OPA1: variants seen among roughly 807,000 people sequenced by gnomAD.
OPA1 encodes the protein dynamin-like GTPase OPA1, mitochondrial.
A neutral mutation model predicts 152.9 loss-of-function variants in OPA1; 59 were observed. The observed-to-expected ratio is 0.39, with a 90% CI of 0.31 to 0.48. OPA1 has a LOEUF of 0.48. Among genes scored for constraint, OPA1 ranks in the 20% least tolerant of loss-of-function variants. OPA1 has a pLI of 0.96. For missense variants in OPA1, 1,008 were observed against 1,216.8 expected, an observed-to-expected ratio of 0.83 and a Z score of 2.55; for synonymous variants, 400 against 389.9, an observed-to-expected ratio of 1.03 and a Z score of -0.31.
chr3:193,642,508 T>C (rs1248528070), intron 11 of OPA1, among the ~76,000 whole-genome samples: 1 of 152,188 alleles, frequency 6.6e-6, no homozygotes, highest in Non-Finnish European at 1.5e-5. Context: ...GCATTTTAGG[T>C]CATAAGCGAT....
At chr3:193,609,595 A>G (rs891227373) in intron 1 of OPA1, among the ~76,000 whole-genome samples, 3 of 152,146 alleles carry the variant, frequency 2.0e-5, no homozygotes, top group Admixed American at 2.0e-4. Context: ...GCCTTGCTAG[A>G]TTGGGGAAGT....
At chr3:193,676,786 C>T (rs919432792) in intron 29 of OPA1, among the ~76,000 whole-genome samples, 6 of 152,084 alleles carry the variant, frequency 3.9e-5, no homozygotes, top group African/African-American at 7.2e-5. Context: ...CCAGACCATC[C>T]TGGCTAACAC....
chr3:193,673,673 A>T (rs1407394243), intron 29 of OPA1, among the ~76,000 whole-genome samples: 1 of 152,170 alleles, frequency 6.6e-6, no homozygotes, highest in Non-Finnish European at 1.5e-5. Flanking sequence ...CTTTTTGTTG[A>T]GCTGGATTGG....
intron 29 of OPA1, among the ~76,000 whole-genome samples, chr3:193,678,959 C>T (rs537364125): frequency 6.6e-6 from 1 of 151,610 alleles, no homozygotes; most frequent in South Asian, 2.1e-4. Context: ...TTTTTTTTCC[C>T]AAGATTACTG....
At chr3:193,673,763 C>A (rs761500737) in intron 29 of OPA1, among the ~76,000 whole-genome samples, 70 of 152,310 alleles carry the variant, frequency 4.6e-4, no homozygotes, top group Admixed American at 1.4e-3. Flanking sequence ...CTTTAGTAGA[C>A]TGAATACTTC....
chr3:193,647,267 T>A, intron 19 of OPA1, 87 bp downstream of exon 19: 2 of 814,282 alleles, frequency 2.5e-6, no homozygotes, highest in East Asian at 5.3e-5. Flanking sequence ...TGTACTTCTT[T>A]CCTTTAACAG....
intron 22 of OPA1, among the ~76,000 whole-genome samples, chr3:193,656,554 CA>C (rs1713865534): frequency 6.6e-6 from 1 of 152,142 alleles, no homozygotes; most frequent in Non-Finnish European, 1.5e-5. Flanking sequence ...TGCTTAAAGA[CA>C]AAGCTATGAA....
intron 1 of OPA1, among the ~76,000 whole-genome samples, chr3:193,600,126 C>T (rs1168929935): frequency 6.6e-5 from 10 of 152,204 alleles, no homozygotes; most frequent in Admixed American, 2.0e-4. Context: ...TATAAAAGTA[C>T]GGAGTCCTCT....
chr3:193,608,785 C>T (rs1006602834), intron 1 of OPA1, among the ~76,000 whole-genome samples: 10 of 151,888 alleles, frequency 6.6e-5, no homozygotes, highest in African/African-American at 2.4e-4. Context: ...GTTGGTCTGT[C>T]TAATGTTGAC....
At chr3:193,652,781 G>A (rs1712837546) in intron 21 of OPA1, among the ~76,000 whole-genome samples, 2 of 152,124 alleles carry the variant, frequency 1.3e-5, no homozygotes, top group African/African-American at 4.8e-5. Context: ...CTGAGACAGA[G>A]GACAGCAGCT....
chr3:193,635,539 T>C lies in OPA1; in HGVS notation c.948+17T>C. On this transcript the variant is annotated intron_variant, in intron 9 of 30. Transcript: ENST00000361510. ...AAGCTTAAGGTATTCTAAGTTTGTC[T>C]TGTTTATTCTCAAAATTTTACCGCT... The C allele has an allele frequency of 6.8e-7, 1 of 1,470,584 alleles. No individual in the cohort carries two copies. The highest frequency in any genetic ancestry group is 9.5e-7 in the Non-Finnish European group (1 of 1,049,552). The allele number at this position is 1,470,584 out of a possible 1,614,324, so 91.1% of individuals were successfully genotyped here.
intron 29 of OPA1, among the ~76,000 whole-genome samples, chr3:193,675,770 T>C (rs1357570732): frequency 6.6e-6 from 1 of 152,246 alleles, no homozygotes; most frequent in Non-Finnish European, 1.5e-5. Context: ...CAAAGTGATT[T>C]GGTTCATTCA....
At chr3:193,645,703 A>G (rs780948790) in intron 17 of OPA1, 25 bp from the exon 18 acceptor site, 10 of 1,611,968 alleles carry the variant, frequency 6.2e-6, no homozygotes, top group Middle Eastern at 1.6e-4. Flanking sequence ...TTCTTGATGA[A>G]AATTTGACCA....
At position 193,657,345 on chromosome 3, in the gene OPA1, A is replaced by T. The variant is rs1714098880; in HGVS notation, c.2331+113A>T. On this transcript the variant is annotated intron_variant, in intron 23 of 30. Transcript: ENST00000361510. ...TAAATTACATTCTGAATTAAAAATAATGAAGTAAAGAAACAGATTTATGAT... is the reference window on the plus strand; with the variant it reads ...TAAATTACATTCTGAATTAAAAATATTGAAGTAAAGAAACAGATTTATGAT... The T allele has an allele frequency of 4.7e-6, 5 of 1,062,364 alleles. No individual in the cohort carries two copies. In the South Asian group the frequency reaches 6.9e-5, roughly 15 times the overall value. The allele number at this position is 1,062,364 out of a possible 1,614,324, so 65.8% of individuals were successfully genotyped here.
rs1711671699 is a variant in OPA1, at chr3:193,648,823, A to G, written c.1964A>G (p.Glu655Gly). The G allele has an allele frequency of 6.2e-7, 1 of 1,608,320 alleles. No individual in the cohort carries two copies. Among genetic ancestry groups the G allele is most frequent in the African/African-American group, 1.3e-5 (1 of 74,804 alleles). Residue 655 changes from glutamate (E) to glycine (G), a missense_variant, in exon 21 of 31, where the codon GAA becomes GGA. Physicochemically the swap from Glu to Gly is moderately conservative, Grantham distance 98. This residue lies in a region of OPA1 where 229 missense variants were observed against 269.0 expected (regional missense o/e 0.85). Coordinates refer to ENST00000361510, the MANE Select transcript of OPA1 (RefSeq NM_130837.3). Reference sequence around the variant, plus strand: ...GAACTATTTGAAAAAGCTAAAAATGAAATCCTTGATGAAGTTATCAGTCTG... The same window carrying G: ...GAACTATTTGAAAAAGCTAAAAATGGAATCCTTGATGAAGTTATCAGTCTG... ...RNELFEKAKN[E>G]ILDEVISLSQ...
At chr3:193,661,993 TAGCTGTGATAG>T (rs1379294357) in intron 25 of OPA1, among the ~76,000 whole-genome samples, 2 of 152,190 alleles carry the variant, frequency 1.3e-5, no homozygotes, top group African/African-American at 4.8e-5. Context: ...TCAGATTTCA[TAGCTGTGATAG>T]AGTTTGGGGC....
chr3:193,687,938 T>C (rs1577401309), intron 29 of OPA1, among the ~76,000 whole-genome samples: 1 of 152,156 alleles, frequency 6.6e-6, no homozygotes, highest in Admixed American at 6.5e-5. Context: ...GATTTTTTTT[T>C]CCCACTTGTG....
At chr3:193,631,221 C>T (rs1732024703) in intron 7 of OPA1, among the ~76,000 whole-genome samples, 1 of 152,178 alleles carries the variant, frequency 6.6e-6, no homozygotes, top group South Asian at 2.1e-4. Flanking sequence ...CTTTTCAAAA[C>T]ACATTTCTGG....
chr3:193,620,916 C>T (rs544402963), intron 6 of OPA1, among the ~76,000 whole-genome samples: 1 of 152,178 alleles, frequency 6.6e-6, no homozygotes, highest in Non-Finnish European at 1.5e-5. Context: ...AAAGAGAGAC[C>T]TTAGCTTAGC....
Sources: allele counts gnomAD v4.1 joint callset (sites outside exome capture counted in the v4.1 genomes callset), GRCh38; gene constraint gnomAD v4.1.1; regional missense constraint gnomAD v4.1.1; transcripts MANE v1.5; gene names NCBI Gene and HGNC (gene_info 2026-07-23, HGNC 2026-07-21).